ERBB4: variants seen among roughly 807,000 people sequenced by gnomAD.
ERBB4 encodes erb-b2 receptor tyrosine kinase 4, also known as receptor tyrosine-protein kinase erbB-4.
ERBB4 carries 42 observed loss-of-function variants against 158.0 expected under a neutral mutation model. The ratio of observed to expected loss-of-function variants is 0.27; its 90% CI spans 0.21 to 0.34. The LOEUF (loss-of-function observed/expected upper bound fraction) is 0.34. Among genes scored for constraint, ERBB4 ranks in the 10% least tolerant of loss-of-function variants. The pLI is 1.00. For synonymous variants in ERBB4, 583 were observed against 558.7 expected, an observed-to-expected ratio of 1.04 and a Z score of -0.61; for missense variants, 1,333 against 1,624.1, an observed-to-expected ratio of 0.82 and a Z score of 3.08.
At position 212,373,801 on chromosome 2, in the gene ERBB4, A is replaced by ATG. The variant is rs200587695; in HGVS notation, c.82+164647_82+164648insCA. 7.5e-3 allele frequency among the ~76,000 whole-genome samples: 694 copies of ATG among 92,286 alleles called. 34 individuals carry two copies. Among genetic ancestry groups the ATG allele is most frequent in the Non-Finnish European group, 0.013 (527 of 41,508 alleles). 60.5% of individuals were successfully genotyped at this position (92,286 alleles called of 152,430 possible). A position where few individuals can be genotyped will look rare whatever the true frequency, so the allele number is the denominator to read the frequency against. ...TGTATATATCCACGTATATATATCCATATATATATCCATGTATATATCCAT... is the reference window on the plus strand; with the variant it reads ...TGTATATATCCACGTATATATATCCATGTATATATATCCATGTATATATCCAT... On this transcript the variant is annotated intron_variant, in intron 1 of 27. Coordinates refer to ENST00000342788, the MANE Select transcript of ERBB4 (RefSeq NM_005235.3).
intron 4 of ERBB4, among the ~76,000 whole-genome samples, chr2:211,761,051 T>C (rs2075398801): frequency 2.6e-5 from 4 of 151,992 alleles, no homozygotes; most frequent in Admixed American, 1.3e-4. Context: ...AAAAATTAAC[T>C]GGGCGTGGTG....
intron 1 of ERBB4, among the ~76,000 whole-genome samples, chr2:212,174,951 C>A (rs2081616925): frequency 6.6e-6 from 1 of 152,062 alleles, no homozygotes; most frequent in Non-Finnish European, 1.5e-5. Flanking sequence ...TCATCCCAAA[C>A]TACAGTTATA....
At position 211,384,546 on chromosome 2, in the gene ERBB4, G is replaced by A. The variant is rs187797286; in HGVS notation, c.3482-486C>T. On this transcript the variant is annotated intron_variant, in intron 27 of 27. Coordinates refer to ENST00000342788, the MANE Select transcript of ERBB4 (RefSeq NM_005235.3). ...GAAATCATGTTTTTTAGTCTCTATG[G>A]TTTGCTATGATTGCCTATACTGGTA... 1.3e-3 allele frequency among the ~76,000 whole-genome samples: 205 copies of A among 152,102 alleles called. 1 individual carries two copies. Among genetic ancestry groups the A allele is most frequent in the African/African-American group, 4.8e-3 (198 of 41,510 alleles).
In ERBB4 at chr2:212,023,988, C is replaced by T. The variant is rs542578094; in HGVS notation, c.235-76372G>A. Reference sequence around the variant, plus strand: ...GAAACTAATCAAATAAAGGAGCTCACTCCCTTTAGAGTATAATGAGCTTCA... The same window carrying T: ...GAAACTAATCAAATAAAGGAGCTCATTCCCTTTAGAGTATAATGAGCTTCA... On this transcript the variant is annotated intron_variant, in intron 2 of 27. Transcript: ENST00000342788. 1.2e-4 allele frequency among the ~76,000 whole-genome samples: 18 copies of T among 151,590 alleles called. 1 individual carries two copies. The South Asian group carries it at 3.7e-3, about 31-fold the overall frequency.
At chr2:211,993,580 T>G (rs1469862616) in intron 2 of ERBB4, among the ~76,000 whole-genome samples, 1 of 151,842 alleles carries the variant, frequency 6.6e-6, no homozygotes, top group Non-Finnish European at 1.5e-5. Context: ...AATTGCTATT[T>G]TTTTTTTCAT....
At chr2:212,037,550 C>A (rs1332543972) in intron 2 of ERBB4, among the ~76,000 whole-genome samples, 1 of 152,144 alleles carries the variant, frequency 6.6e-6, no homozygotes, top group Non-Finnish European at 1.5e-5. Flanking sequence ...TTTGTACGTT[C>A]CTTATGTAAG....
intron 1 of ERBB4, among the ~76,000 whole-genome samples, chr2:212,192,074 A>ATATAT (rs1295045748): frequency 2.3e-5 from 2 of 87,304 alleles, no homozygotes; most frequent in Non-Finnish European, 4.6e-5. Context: ...GTTATATGTT[A>ATATAT]TATATATTAT....
chr2:211,678,318 C>CAA (rs60505220), intron 13 of ERBB4, among the ~76,000 whole-genome samples: 34 of 144,380 alleles, frequency 2.4e-4, no homozygotes, highest in Admixed American at 1.4e-3. Context: ...AACAAACAAA[C>CAA]AAAAAAAAAA....
At chr2:212,130,557 A>C (rs2080078987) in intron 1 of ERBB4, among the ~76,000 whole-genome samples, 1 of 152,136 alleles carries the variant, frequency 6.6e-6, no homozygotes, top group African/African-American at 2.4e-5. Flanking sequence ...ATTAAAACTA[A>C]AAATTAATTA....
At chr2:212,024,871 G>A (rs940698853) in intron 2 of ERBB4, among the ~76,000 whole-genome samples, 2 of 151,774 alleles carry the variant, frequency 1.3e-5, no homozygotes, top group Non-Finnish European at 3.0e-5. Flanking sequence ...TAGTAACCAA[G>A]GACCTTGGAT....
At chr2:212,484,506 TTCAAATCAGCTAC>T (rs1384594625) in intron 1 of ERBB4, among the ~76,000 whole-genome samples, 1 of 152,258 alleles carries the variant, frequency 6.6e-6, no homozygotes, top group East Asian at 1.9e-4. Context: ...ATCTTAATTT[TTCAAATCAGCTAC>T]TCAAATTCTC....
chr2:212,332,709 C>T (rs947996379), intron 1 of ERBB4, among the ~76,000 whole-genome samples: 4 of 152,008 alleles, frequency 2.6e-5, no homozygotes, highest in African/African-American at 9.7e-5. Flanking sequence ...CAATCAGCCT[C>T]TTCAGTTCCA....
chr2:212,265,581 TCACTGCCCAAAGATGA>T (rs748599230), intron 1 of ERBB4, among the ~76,000 whole-genome samples: 27 of 152,006 alleles, frequency 1.8e-4, no homozygotes, highest in Non-Finnish European at 3.5e-4. Flanking sequence ...GTTTTTTTCT[TCACTGCCCAAAGATGA>T]CACTGTCCTC....
At chr2:212,092,010 A>G (rs1419508591) in intron 2 of ERBB4, among the ~76,000 whole-genome samples, 2 of 152,108 alleles carry the variant, frequency 1.3e-5, no homozygotes, top group East Asian at 1.9e-4. Flanking sequence ...CCCACACGTG[A>G]TATGTCTCCA....
At chr2:211,742,550 T>C (rs1019474175) in intron 5 of ERBB4, among the ~76,000 whole-genome samples, 2 of 151,954 alleles carry the variant, frequency 1.3e-5, no homozygotes, top group African/African-American at 4.8e-5. Flanking sequence ...ATGTATGACA[T>C]TTTTCTTAAG....
At chr2:212,209,747 A>T (rs1053511418) in intron 1 of ERBB4, among the ~76,000 whole-genome samples, 22 of 152,268 alleles carry the variant, frequency 1.4e-4, no homozygotes, top group African/African-American at 5.3e-4. Context: ...TTCAATATAT[A>T]TGATTTTTAA....
rs1298845699 is a variant in ERBB4 at position 212,060,779 on chromosome 2, G to A, written c.234+63973C>T. Among the ~76,000 whole-genome samples the A allele has an allele frequency of 2.0e-5, 3 of 149,154 alleles. No homozygotes were observed. The Admixed American group carries it at 2.0e-4, about 10-fold the overall frequency. On this transcript the variant is annotated intron_variant, in intron 2 of 27. Transcript: ENST00000342788. ...GAACAATGAGAACATTTGGACACAG[G>A]AAGGGGAACATCACACACCGGGGCC...
At chr2:212,382,904 T>C (rs1476727889) in intron 1 of ERBB4, among the ~76,000 whole-genome samples, 3 of 151,314 alleles carry the variant, frequency 2.0e-5, no homozygotes, top group Non-Finnish European at 3.0e-5. Flanking sequence ...ACTTGGTATC[T>C]TACTTACAAT....
chr2:211,694,176 A>G (rs747592470), intron 12 of ERBB4, among the ~76,000 whole-genome samples: 2 of 152,210 alleles, frequency 1.3e-5, no homozygotes, highest in Non-Finnish European at 2.9e-5. Flanking sequence ...GGACTTCAGC[A>G]TCTTCTGGAG....
Sources: gnomAD v4.1 joint callset for allele counts (sites outside exome capture counted in the v4.1 genomes callset) on GRCh38, gnomAD v4.1.1 for gene constraint, MANE v1.5 for transcripts, NCBI Gene and HGNC (gene_info 2026-07-23, HGNC 2026-07-21) for gene names.